Variants in THSD4 observed in about 807,000 individuals in gnomAD.
THSD4 encodes the protein thrombospondin type 1 domain containing 4.
A neutral mutation model predicts 119.0 loss-of-function variants in THSD4; 69 were observed. The ratio of observed to expected loss-of-function variants is 0.58; its 90% CI spans 0.48 to 0.71. The LOEUF (loss-of-function observed/expected upper bound fraction) is 0.71. THSD4 is among the 30% of genes least tolerant of loss of function. The pLI is 0.00. For missense variants in THSD4, 1,393 were observed against 1,391.1 expected (o/e 1.00, Z -0.02); for synonymous variants, 524 against 540.4 (o/e 0.97, Z 0.42).
At chr15:71,269,172 C>G (rs1375002690) in intron 6 of THSD4, among the ~76,000 whole-genome samples, 1 of 152,162 alleles carries the variant, frequency 6.6e-6, no homozygotes, top group African/African-American at 2.4e-5. Context: ...GCCAATAACC[C>G]TGATGAACAT....
At chr15:71,390,342 T>C (rs146165848) in intron 6 of THSD4, among the ~76,000 whole-genome samples, 2 of 152,274 alleles carry the variant, frequency 1.3e-5, no homozygotes, top group East Asian at 3.9e-4. Context: ...TGACTTTAGC[T>C]GGACAAGGAA....
chr15:71,739,853 T>C (rs542058790), intron 11 of THSD4, among the ~76,000 whole-genome samples: 1 of 151,810 alleles, frequency 6.6e-6, no homozygotes, highest in East Asian at 1.9e-4. Context: ...TTTTCCTTTC[T>C]TTTCTTTTCT....
intron 3 of THSD4, among the ~76,000 whole-genome samples, chr15:71,173,010 G>C (rs1288520618): frequency 6.6e-6 from 1 of 151,722 alleles, no homozygotes; most frequent in Non-Finnish European, 1.5e-5. Context: ...ACACAGCACT[G>C]GAAGTTCTAG....
intron 7 of THSD4, among the ~76,000 whole-genome samples, chr15:71,658,891 G>A (rs561036746): frequency 6.6e-6 from 1 of 152,274 alleles, no homozygotes; most frequent in Admixed American, 6.5e-5. Flanking sequence ...GAATATGGAA[G>A]CAATAATGCC....
chr15:71,408,167 CAAAAA>C (rs57537140), intron 6 of THSD4, among the ~76,000 whole-genome samples: 1 of 148,252 alleles, frequency 6.7e-6, no homozygotes, highest in Non-Finnish European at 1.5e-5. Context: ...TACTTAAAGG[CAAAAA>C]AAAAAAGAAT....
At chr15:71,660,772 C>T (rs2051290474) in intron 8 of THSD4, 38 bp downstream of exon 8, 8 of 1,609,066 alleles carry the variant, frequency 5.0e-6, no homozygotes, top group South Asian at 1.1e-5. Context: ...CCGTCTGTCC[C>T]TGCCAGATGA....
At chr15:71,452,101 C>T (rs2047273219) in intron 7 of THSD4, among the ~76,000 whole-genome samples, 3 of 152,164 alleles carry the variant, frequency 2.0e-5, no homozygotes, top group Admixed American at 2.0e-4. Context: ...TGCATCCCTG[C>T]CAGGCTCCCA....
chr15:71,424,572 G>C (rs2046845999), intron 7 of THSD4, among the ~76,000 whole-genome samples: 1 of 152,108 alleles, frequency 6.6e-6, no homozygotes, highest in Non-Finnish European at 1.5e-5. Context: ...CCTTTCTCCA[G>C]ACATCAAAAA....
At chr15:71,292,134 C>T (rs374288415) in intron 6 of THSD4, among the ~76,000 whole-genome samples, 2 of 152,322 alleles carry the variant, frequency 1.3e-5, no homozygotes, top group South Asian at 4.1e-4. Context: ...GAAGGTATTC[C>T]ACCATTGTCT....
intron 7 of THSD4, among the ~76,000 whole-genome samples, chr15:71,533,138 C>G (rs2048640562): frequency 6.6e-6 from 1 of 152,228 alleles, no homozygotes; most frequent in Non-Finnish European, 1.5e-5. Flanking sequence ...TTTGGTTGAG[C>G]TGGGTTGCCC....
rs563292524 is a variant in THSD4, at chr15:71,408,219, C to T, written c.1016-3468C>T. Among the ~76,000 whole-genome samples the T allele has an allele frequency of 1.3e-3, 195 of 151,928 alleles. 1 individual carries two copies. Among genetic ancestry groups the T allele is most frequent in the Non-Finnish European group, 2.3e-3 (153 of 67,990 alleles). On this transcript the variant is annotated intron_variant, in intron 6 of 17. Transcript: ENST00000261862. ...CCATGCAAAACCTTAATTTGAAACC[C>T]TTCAAAGGTTGTTGTTGTTGTTTTT... is the stretch of plus-strand genomic sequence containing the variant.
intron 7 of THSD4, chr15:71,547,540 C>T (rs2048856399): frequency 6.5e-7 from 1 of 1,537,384 alleles, no homozygotes; most frequent in Non-Finnish European, 8.8e-7. Context: ...TATATTTCCT[C>T]TTCTATCTAC....
At chr15:71,752,708 T>G (rs2053469464) in intron 14 of THSD4, among the ~76,000 whole-genome samples, 1 of 152,208 alleles carries the variant, frequency 6.6e-6, no homozygotes. Flanking sequence ...GAGTAACCGC[T>G]GCAGTAATAT....
chr15:71,751,033 A>G (rs115430358), intron 14 of THSD4, among the ~76,000 whole-genome samples: 1,565 of 152,300 alleles, frequency 0.01, 27 homozygotes, highest in African/African-American at 0.036. Flanking sequence ...GTACAGCTCA[A>G]GGTGTCAAGA....
intron 7 of THSD4, among the ~76,000 whole-genome samples, chr15:71,566,746 C>T (rs2049248012): frequency 6.6e-6 from 1 of 150,580 alleles, no homozygotes; most frequent in Non-Finnish European, 1.5e-5. Flanking sequence ...CCCCTCTTTC[C>T]CCCTGCTCCC....
intron 7 of THSD4, among the ~76,000 whole-genome samples, chr15:71,535,062 C>G (rs2048670541): frequency 6.6e-6 from 1 of 152,152 alleles, no homozygotes; most frequent in Non-Finnish European, 1.5e-5. Flanking sequence ...CAACTCTCAC[C>G]ATAGTATAAC....
At chr15:71,216,665 G>A (rs1009669112) in intron 4 of THSD4, among the ~76,000 whole-genome samples, 1 of 152,196 alleles carries the variant, frequency 6.6e-6, no homozygotes, top group South Asian at 2.1e-4. Flanking sequence ...CAGCCCCAAA[G>A]GAATGCTTCC....
intron 6 of THSD4, among the ~76,000 whole-genome samples, chr15:71,357,042 C>G (rs200463061): frequency 1.3e-5 from 2 of 152,250 alleles, no homozygotes; most frequent in South Asian, 2.1e-4. Context: ...TGTCAGTGCT[C>G]CCAGCATTAG....
intron 6 of THSD4, among the ~76,000 whole-genome samples, chr15:71,328,061 C>G (rs1394253937): frequency 6.6e-6 from 1 of 152,228 alleles, no homozygotes; most frequent in Non-Finnish European, 1.5e-5. Context: ...CCTCCTTTCT[C>G]AAACCTTGGC....
Sources: gnomAD v4.1 joint callset for allele counts (sites outside exome capture counted in the v4.1 genomes callset) on GRCh38, gnomAD v4.1.1 for gene constraint, MANE v1.5 for transcripts, NCBI Gene and HGNC (gene_info 2026-07-23, HGNC 2026-07-21) for gene names.